The following ROR2 variants were observed in gnomAD, a reference collection of about 807,000 sequenced individuals.
ROR2 encodes ROR family WNT receptor 2.
Under a neutral mutation model 74.9 loss-of-function variants are expected in ROR2, and 33 were observed. The ratio of observed to expected loss-of-function variants is 0.44; its 90% CI spans 0.33 to 0.59. The LOEUF (loss-of-function observed/expected upper bound fraction) is 0.59. Ranked by LOEUF, ROR2 falls within the 20% of genes least tolerant of loss-of-function variation. The pLI is 0.02. For missense variants in ROR2, 1,216 were observed against 1,313.8 expected (o/e 0.93, Z 1.15); for synonymous variants, 586 against 558.7 (o/e 1.05, Z -0.69).
chr9:91,943,568 C>A (rs997226524), intron 1 of ROR2, among the ~76,000 whole-genome samples: 2 of 152,136 alleles, frequency 1.3e-5, no homozygotes, highest in Non-Finnish European at 2.9e-5. Flanking sequence ...ACAATTCACA[C>A]AAAGTCATTT....
intron 1 of ROR2, among the ~76,000 whole-genome samples, chr9:91,897,377 C>G (rs914369043): frequency 6.6e-6 from 1 of 152,228 alleles, no homozygotes; most frequent in Non-Finnish European, 1.5e-5. Flanking sequence ...TGATCCAGGT[C>G]TTCTGGCATG....
Position 91,723,818 on chromosome 9 carries a change from C to T in ROR2, c.2676G>A (p.Glu892=). 1.2e-6 allele frequency: 2 copies of T among 1,613,988 alleles called. No homozygotes were observed. The highest frequency in any genetic ancestry group is 1.7e-6 in the Non-Finnish European group (2 of 1,180,034). Reference sequence around the variant, plus strand: ...GGGCGTTCTGTGTGTCATCAGCGCCCTCTGAGAGCAGGGCTGCCCTGTCTG... The same window carrying T: ...GGGCGTTCTGTGTGTCATCAGCGCCTTCTGAGAGCAGGGCTGCCCTGTCTG... ...SMADRAALLS[E]GADDTQNAPE... Residue 892 remains glutamate, a synonymous_variant, in exon 9 of 9, where the codon GAG becomes GAA. Coordinates refer to ENST00000375708, the MANE Select transcript of ROR2 (RefSeq NM_004560.4).
intron 1 of ROR2, among the ~76,000 whole-genome samples, chr9:91,942,011 G>A (rs1187616231): frequency 1.3e-5 from 2 of 152,068 alleles, no homozygotes; most frequent in African/African-American, 2.4e-5. Flanking sequence ...GGCTGGTCTT[G>A]AATTCCTGAC....
intron 1 of ROR2, among the ~76,000 whole-genome samples, chr9:91,919,401 A>G (rs1395164155): frequency 1.3e-5 from 2 of 152,204 alleles, no homozygotes; most frequent in Admixed American, 6.5e-5. Context: ...ATCAAAGCAA[A>G]GGCCAACTCG....
At chr9:91,763,960 T>C (rs1825988377) in intron 2 of ROR2, among the ~76,000 whole-genome samples, 1 of 152,234 alleles carries the variant, frequency 6.6e-6, no homozygotes, top group Non-Finnish European at 1.5e-5. Flanking sequence ...GTGCTTATTC[T>C]ACATTCATGG....
intron 1 of ROR2, among the ~76,000 whole-genome samples, chr9:91,830,817 T>TCC: frequency 7.2e-6 from 1 of 139,370 alleles, no homozygotes; most frequent in African/African-American, 2.6e-5. Flanking sequence ...TCCGTGTGTG[T>TCC]GTGTGTGTGT....
intron 1 of ROR2, among the ~76,000 whole-genome samples, chr9:91,886,056 G>A (rs1830260935): frequency 6.6e-6 from 1 of 151,806 alleles, no homozygotes; most frequent in African/African-American, 2.4e-5. Flanking sequence ...TGTATTTTTA[G>A]TAGAGACGGG....
intron 1 of ROR2, among the ~76,000 whole-genome samples, chr9:91,875,100 CT>C (rs1429271733): frequency 6.6e-6 from 1 of 152,158 alleles, no homozygotes; most frequent in African/African-American, 2.4e-5. Flanking sequence ...TTTTCTCCAA[CT>C]TTAGAAGACA....
chr9:91,741,302 T>TAATAATAATA lies in ROR2; in HGVS notation c.495-3785_495-3784insTATTATTATT, dbSNP rs1564244295. 2.8e-4 allele frequency among the ~76,000 whole-genome samples: 16 copies of TAATAATAATA among 56,450 alleles called. No homozygotes were observed. The South Asian group carries it at 0.013, about 44-fold the overall frequency. 37.0% of individuals were successfully genotyped at this position (56,450 alleles called of 152,430 possible). A position where few individuals can be genotyped will look rare whatever the true frequency, so the allele number is the denominator to read the frequency against. ...TGACAGAGCAAGACTCTGTCTCAAG[T>TAATAATAATA]AGTAATAATAATAATAATAATAATA... On this transcript the variant is annotated intron_variant, in intron 4 of 8. Transcript: ENST00000375708.
chr9:91,911,575 G>A (rs1180744242), intron 1 of ROR2, among the ~76,000 whole-genome samples: 2 of 152,098 alleles, frequency 1.3e-5, no homozygotes, highest in Non-Finnish European at 2.9e-5. Flanking sequence ...GGGAAGTAGG[G>A]ACCAAAGAAT....
At chr9:91,867,530 G>A (rs946102007) in intron 1 of ROR2, among the ~76,000 whole-genome samples, 1 of 152,184 alleles carries the variant, frequency 6.6e-6, no homozygotes, top group East Asian at 1.9e-4. Flanking sequence ...AACCCAAGAT[G>A]TTGGGCTAGA....
At chr9:91,915,353 C>T (rs956041402) in intron 1 of ROR2, among the ~76,000 whole-genome samples, 1 of 152,096 alleles carries the variant, frequency 6.6e-6, no homozygotes, top group Non-Finnish European at 1.5e-5. Flanking sequence ...AAAGTGTGTC[C>T]GGAGTTTTGT....
chr9:91,847,259 T>C (rs1247402717), intron 1 of ROR2, among the ~76,000 whole-genome samples: 1 of 152,208 alleles, frequency 6.6e-6, no homozygotes, highest in African/African-American at 2.4e-5. Flanking sequence ...GAGAAGTGCC[T>C]GTCCCACTGG....
chr9:91,916,146 G>T (rs1201505366), intron 1 of ROR2, among the ~76,000 whole-genome samples: 1 of 152,198 alleles, frequency 6.6e-6, no homozygotes, highest in Non-Finnish European at 1.5e-5. Flanking sequence ...AGGGAAGGGT[G>T]ATTCTGCTCC....
At chr9:91,782,850 T>TA (rs1826670356) in intron 1 of ROR2, among the ~76,000 whole-genome samples, 1 of 152,116 alleles carries the variant, frequency 6.6e-6, no homozygotes, top group Admixed American at 6.5e-5. Context: ...CAAACAGGGG[T>TA]AAATGTCTGC....
At chr9:91,809,273 GGAGTGTCAGT>G (rs2119094725) in intron 1 of ROR2, among the ~76,000 whole-genome samples, 1 of 152,196 alleles carries the variant, frequency 6.6e-6, no homozygotes, top group African/African-American at 2.4e-5. Context: ...TTGCTCAATG[GGAGTGTCAGT>G]GTGAAGTCTA....
rs533247581 is a variant in ROR2, at chr9:91,882,390, G to A, written c.97+67477C>T. 6.3e-5 allele frequency among the ~76,000 whole-genome samples: 9 copies of A among 143,166 alleles called. No individual in the cohort carries two copies. In the East Asian group the frequency reaches 1.3e-3, roughly 20 times the overall value. The allele number at this position is 143,166 out of a possible 152,430, so 93.9% of individuals were successfully genotyped here. ...CATGCCATTGCACTCCAGCCCAGGC[G>A]ACAATGTGAGACTCTGTCTCAAAAA... On this transcript the variant is annotated intron_variant, in intron 1 of 8. Coordinates refer to ENST00000375708, the MANE Select transcript of ROR2 (RefSeq NM_004560.4).
intron 1 of ROR2, among the ~76,000 whole-genome samples, chr9:91,784,299 T>C (rs549676189): frequency 2.7e-4 from 41 of 152,312 alleles, no homozygotes; most frequent in Admixed American, 9.2e-4. Flanking sequence ...TATCAGGACC[T>C]GCCCTGCTAA....
chr9:91,843,761 CAG>C (rs1432799058), intron 1 of ROR2, among the ~76,000 whole-genome samples: 3 of 152,248 alleles, frequency 2.0e-5, no homozygotes, highest in Admixed American at 2.0e-4. Context: ...CCCCCGGCTC[CAG>C]AGTCTGCACA....
Sources: allele counts gnomAD v4.1 joint callset (sites outside exome capture counted in the v4.1 genomes callset), GRCh38; gene constraint gnomAD v4.1.1; transcripts MANE v1.5; gene names NCBI Gene and HGNC (gene_info 2026-07-23, HGNC 2026-07-21).